The following GRID2 variants were observed in gnomAD, a reference collection of about 807,000 sequenced individuals.
GRID2 encodes the protein glutamate ionotropic receptor delta type subunit 2.
In GRID2, 33 loss-of-function variants were observed where a neutral mutation model predicts 114.8. The observed-to-expected ratio is 0.29, with a 90% CI of 0.22 to 0.38. GRID2 has a LOEUF of 0.38. GRID2 is among the 10% of genes least tolerant of loss of function. The probability of loss-of-function intolerance (pLI) is 1.00; values close to 1 mark genes in which losing one functional copy is unlikely to be tolerated. For synonymous variants in GRID2, 505 were observed against 449.9 expected, an observed-to-expected ratio of 1.12 and a Z score of -1.55; for missense variants, 1,184 against 1,257.7, an observed-to-expected ratio of 0.94 and a Z score of 0.89.
chr4:92,969,149 A>G (rs1753337762), intron 2 of GRID2, among the ~76,000 whole-genome samples: 1 of 151,614 alleles, frequency 6.6e-6, no homozygotes. Flanking sequence ...TTAAATAATT[A>G]TGTTCAGCTA....
intron 9 of GRID2, among the ~76,000 whole-genome samples, chr4:93,399,331 A>G (rs948441381): frequency 6.6e-6 from 1 of 152,060 alleles, no homozygotes; most frequent in Non-Finnish European, 1.5e-5. Flanking sequence ...TCTTACCAAA[A>G]TTTTGAAATT....
intron 2 of GRID2, among the ~76,000 whole-genome samples, chr4:92,623,099 AT>A (rs1730350895): frequency 6.6e-6 from 1 of 151,722 alleles, no homozygotes; most frequent in Admixed American, 6.6e-5. Context: ...AACTAATAAA[AT>A]TTCAAAGATT....
Position 93,471,698 on chromosome 4 carries a change from A to ATTTTTTTTTTTTTT in GRID2, c.1858+15728_1858+15741dup, listed in dbSNP as rs897411033. On this transcript the variant is annotated intron_variant, in intron 11 of 15. Transcript: ENST00000282020. The stretch of plus-strand genomic sequence containing the variant: ...ATTGTTATTTCTTCTCCTGAATTCA[A>ATTTTTTTTTTTTTT]TTTTTTTTTTTTTTTTTGGAGACGG... Among the ~76,000 whole-genome samples the ATTTTTTTTTTTTTT allele has an allele frequency of 7.7e-4, 47 of 60,998 alleles. 8 individuals carry two copies. The highest frequency in any genetic ancestry group is 3.8e-3 in the African/African-American group (42 of 11,088). The allele number at this position is 60,998 out of a possible 152,430, so 40.0% of individuals were successfully genotyped here.
At chr4:92,966,231 T>C (rs1753146373) in intron 2 of GRID2, among the ~76,000 whole-genome samples, 1 of 151,818 alleles carries the variant, frequency 6.6e-6, no homozygotes, top group South Asian at 2.1e-4. Context: ...AAACATCAAG[T>C]CATGACATAA....
intron 8 of GRID2, among the ~76,000 whole-genome samples, chr4:93,284,801 T>C (rs1350921764): frequency 9.9e-6 from 1 of 101,476 alleles, no homozygotes; most frequent in Non-Finnish European, 2.4e-5. Context: ...AAAGAACATA[T>C]TTTATTATAT....
At chr4:92,396,346 T>C (rs1730490599) in intron 1 of GRID2, among the ~76,000 whole-genome samples, 1 of 152,036 alleles carries the variant, frequency 6.6e-6, no homozygotes, top group African/African-American at 2.4e-5. Context: ...TTGCATGTTA[T>C]ATTTGCCAAA....
chr4:93,290,389 T>A (rs571428403), intron 8 of GRID2, among the ~76,000 whole-genome samples: 10 of 152,306 alleles, frequency 6.6e-5, no homozygotes, highest in East Asian at 1.9e-4. Flanking sequence ...GAAAAAATTT[T>A]AAAAAATTAG....
In GRID2 at chr4:93,493,469, A is replaced by G. The variant is rs141099720; in HGVS notation, c.1997+2692A>G. Among the ~76,000 whole-genome samples, 1,243 of 151,970 alleles carry G rather than the reference A, an allele frequency of 8.2e-3. 62 individuals are homozygous for G. The highest frequency in any genetic ancestry group is 0.066 in the Admixed American group (1,004 of 15,214). ...GATAATGCTTAAGATTACACACTCAATAAGTGTCAGAGTTGAGAGTCCAAT... is the reference window on the plus strand; with the variant it reads ...GATAATGCTTAAGATTACACACTCAGTAAGTGTCAGAGTTGAGAGTCCAAT... On this transcript the variant is annotated intron_variant, in intron 12 of 15. Coordinates refer to ENST00000282020, the MANE Select transcript of GRID2 (RefSeq NM_001510.4).
At chr4:93,583,895 T>C (rs567507352) in intron 13 of GRID2, among the ~76,000 whole-genome samples, 2 of 152,084 alleles carry the variant, frequency 1.3e-5, no homozygotes, top group Non-Finnish European at 2.9e-5. Flanking sequence ...CTTCAAAAGT[T>C]TGAAGAGTAG....
chr4:93,496,862 T>C (rs972496752), intron 12 of GRID2, among the ~76,000 whole-genome samples: 3 of 151,950 alleles, frequency 2.0e-5, no homozygotes, highest in East Asian at 1.9e-4. Flanking sequence ...TTTCTGTGGA[T>C]TTTTTGTTTG....
In GRID2 at chr4:92,999,202, C is replaced by T. The variant is rs540602994; in HGVS notation, c.245-85793C>T. 2.6e-5 allele frequency among the ~76,000 whole-genome samples: 4 copies of T among 151,890 alleles called. No individual in the cohort carries two copies. In the South Asian group the frequency reaches 6.2e-4, roughly 24 times the overall value. On this transcript the variant is annotated intron_variant, in intron 2 of 15. Transcript: ENST00000282020. ...CCTAGCCACTGTCAAAATTTGCATG[C>T]GTTATTCTTGTGTACTTTTCTATGC...
intron 5 of GRID2, among the ~76,000 whole-genome samples, chr4:93,210,401 G>C (rs1434110460): frequency 6.6e-6 from 1 of 151,970 alleles, no homozygotes; most frequent in Non-Finnish European, 1.5e-5. Context: ...GTAGTTGCAG[G>C]TATGCAGCCT....
intron 1 of GRID2, among the ~76,000 whole-genome samples, chr4:92,362,180 T>A (rs1728649066): frequency 6.6e-6 from 1 of 151,998 alleles, no homozygotes. Context: ...CTGTTTGGGC[T>A]CTTGTGTTGG....
chr4:93,424,366 C>T (rs187405952), intron 10 of GRID2, among the ~76,000 whole-genome samples: 193 of 152,142 alleles, frequency 1.3e-3, no homozygotes, highest in African/African-American at 4.4e-3. Flanking sequence ...TGCAGGGCTA[C>T]GTAGGTAGCA....
At chr4:92,429,555 A>C (rs1339385629) in intron 1 of GRID2, among the ~76,000 whole-genome samples, 2 of 152,200 alleles carry the variant, frequency 1.3e-5, no homozygotes, top group African/African-American at 4.8e-5. Context: ...TGTTACAATA[A>C]ATATAAGAGT....
chr4:92,308,812 G>A (rs1430631295), intron 1 of GRID2, among the ~76,000 whole-genome samples: 1 of 151,252 alleles, frequency 6.6e-6, no homozygotes, highest in Non-Finnish European at 1.5e-5. Flanking sequence ...AGGATTTTTT[G>A]GATTGTGTAA....
intron 2 of GRID2, among the ~76,000 whole-genome samples, chr4:92,904,900 G>T (rs974352371): frequency 1.3e-5 from 2 of 152,008 alleles, no homozygotes; most frequent in African/African-American, 4.8e-5. Flanking sequence ...CTGGTGGAAA[G>T]AAATATTATA....
At chr4:92,629,544 A>G (rs1730687646) in intron 2 of GRID2, among the ~76,000 whole-genome samples, 1 of 152,112 alleles carries the variant, frequency 6.6e-6, no homozygotes, top group South Asian at 2.1e-4. Flanking sequence ...GGAATTGGAT[A>G]TAACATGCTT....
chr4:93,400,061 A>G (rs1488419830), intron 9 of GRID2, among the ~76,000 whole-genome samples: 2 of 152,126 alleles, frequency 1.3e-5, no homozygotes, highest in African/African-American at 4.8e-5. Context: ...CTGCCTCCAT[A>G]TAGCTAGCAG....
Sources: allele counts gnomAD v4.1 joint callset (sites outside exome capture counted in the v4.1 genomes callset), GRCh38; gene constraint gnomAD v4.1.1; transcripts MANE v1.5; gene names NCBI Gene and HGNC (gene_info 2026-07-23, HGNC 2026-07-21).